Variants in TMEM132D observed in about 807,000 individuals in gnomAD.
TMEM132D encodes the protein transmembrane protein 132D, also known as mature OL transmembrane protein.
TMEM132D carries 21 observed loss-of-function variants against 62.3 expected under a neutral mutation model. The observed-to-expected ratio is 0.34, with a 90% CI of 0.24 to 0.49. The LOEUF is 0.49. TMEM132D is among the 20% of genes least tolerant of loss of function. TMEM132D has a pLI of 0.99. For missense variants in TMEM132D, 1,346 were observed against 1,402.8 expected, an observed-to-expected ratio of 0.96 and a Z score of 0.65; for synonymous variants, 621 against 575.6, an observed-to-expected ratio of 1.08 and a Z score of -1.13.
chr12:129,660,735 C>T (rs146800270), intron 2 of TMEM132D, among the ~76,000 whole-genome samples: 1 of 152,100 alleles, frequency 6.6e-6, no homozygotes, highest in African/African-American at 2.4e-5. Flanking sequence ...AATGACAATA[C>T]TCCTGTCTTG....
chr12:129,414,953 G>A (rs1872072518), intron 3 of TMEM132D, among the ~76,000 whole-genome samples: 1 of 152,086 alleles, frequency 6.6e-6, no homozygotes, highest in African/African-American at 2.4e-5. Context: ...ATTTCCCTTA[G>A]CACAATGTGC....
At chr12:129,658,070 C>A (rs1385584426) in intron 2 of TMEM132D, among the ~76,000 whole-genome samples, 1 of 152,096 alleles carries the variant, frequency 6.6e-6, no homozygotes, top group Non-Finnish European at 1.5e-5. Context: ...CAGCTAGTAA[C>A]AAGTGCTTGA....
intron 2 of TMEM132D, among the ~76,000 whole-genome samples, chr12:129,593,291 C>T (rs528955368): frequency 3.9e-5 from 6 of 152,140 alleles, no homozygotes; most frequent in Non-Finnish European, 8.8e-5. Context: ...TAACTTTCTT[C>T]AATGGCATCC....
chr12:129,600,127 G>A (rs1160965866), intron 2 of TMEM132D, among the ~76,000 whole-genome samples: 3 of 152,216 alleles, frequency 2.0e-5, no homozygotes, highest in Non-Finnish European at 4.4e-5. Context: ...CCCTGCTGTT[G>A]CTTTATCAAA....
At chr12:129,206,298 A>T (rs1878845783) in intron 5 of TMEM132D, among the ~76,000 whole-genome samples, 1 of 152,232 alleles carries the variant, frequency 6.6e-6, no homozygotes, top group South Asian at 2.1e-4. Context: ...AAAGGACATG[A>T]ACAGACATTT....
intron 2 of TMEM132D, among the ~76,000 whole-genome samples, chr12:129,613,798 A>AGGACTGTCTGCAGAACCCAGG (rs1445506226): frequency 9.7e-5 from 13 of 133,958 alleles, no homozygotes; most frequent in South Asian, 3.1e-4. Flanking sequence ...CAGAACCCAG[A>AGGACTGTCTGCAGAACCCAGG]GGACTGTCTG....
At chr12:129,451,169 C>T (rs1230628254) in intron 3 of TMEM132D, among the ~76,000 whole-genome samples, 1 of 152,114 alleles carries the variant, frequency 6.6e-6, no homozygotes, top group African/African-American at 2.4e-5. Context: ...CAGAAATGCT[C>T]AATTCATGGG....
In TMEM132D at chr12:129,636,737, T is replaced by TGTGTGTGTGA. The variant is rs375868329; in HGVS notation, c.968+63072_968+63073insTCACACACAC. On this transcript the variant is annotated intron_variant, in intron 2 of 8. Coordinates refer to ENST00000422113, the MANE Select transcript of TMEM132D (RefSeq NM_133448.3). ...GTGTGTGTGTGTGTGTGTGTGTGTGTGAGAGAGAGAGAGAGAGAGACAGAG... is the reference window on the plus strand; with the variant it reads ...GTGTGTGTGTGTGTGTGTGTGTGTGTGTGTGTGTGAGAGAGAGAGAGAGAGAGAGACAGAG... Among the ~76,000 whole-genome samples, 588 of 113,592 alleles carry TGTGTGTGTGA rather than the reference T, an allele frequency of 5.2e-3. 5 individuals carry two copies. Among genetic ancestry groups the TGTGTGTGTGA allele is most frequent in the South Asian group, 0.037 (95 of 2,602 alleles). 74.5% of individuals were successfully genotyped at this position (113,592 alleles called of 152,430 possible). A position where few individuals can be genotyped will look rare whatever the true frequency, so the allele number is the denominator to read the frequency against.
At position 129,714,504 on chromosome 12, in the gene TMEM132D, G is replaced by A. The variant is rs1226305254; in HGVS notation, c.80-13806C>T. Among the ~76,000 whole-genome samples, 3 of 152,108 alleles carry A rather than the reference G, an allele frequency of 2.0e-5. No individual in the cohort carries two copies. In the East Asian group the frequency reaches 5.8e-4, roughly 29 times the overall value. On this transcript the variant is annotated intron_variant, in intron 1 of 8. Coordinates refer to ENST00000422113, the MANE Select transcript of TMEM132D (RefSeq NM_133448.3). ...GGGAGGTGTTGGTCAAACAGTACAA[G>A]CTTCCAGCCATGCAGGAGGAAACAG... is the stretch of plus-strand genomic sequence containing the variant.
chr12:129,394,388 G>A (rs946084022), intron 3 of TMEM132D, among the ~76,000 whole-genome samples: 3 of 152,174 alleles, frequency 2.0e-5, no homozygotes, highest in African/African-American at 7.2e-5. Flanking sequence ...CCAAGTCCTT[G>A]ACCCAGTTGG....
chr12:129,124,045 T>C (rs1310883131), intron 5 of TMEM132D, among the ~76,000 whole-genome samples: 1 of 152,172 alleles, frequency 6.6e-6, no homozygotes, highest in Non-Finnish European at 1.5e-5. Flanking sequence ...CATCTGTCTA[T>C]CTATGTGCAG....
At chr12:129,345,013 C>T (rs373199222) in intron 3 of TMEM132D, among the ~76,000 whole-genome samples, 34 of 152,192 alleles carry the variant, frequency 2.2e-4, no homozygotes, top group African/African-American at 7.9e-4. Context: ...CTTCCCTTTG[C>T]TTTTTGTTTC....
At chr12:129,441,862 T>TACCTTAAGCAAAGTGGCGCAGA (rs1872945574) in intron 3 of TMEM132D, among the ~76,000 whole-genome samples, 1 of 152,212 alleles carries the variant, frequency 6.6e-6, no homozygotes, top group Non-Finnish European at 1.5e-5. Flanking sequence ...GGGAGGCTGT[T>TACCTTAAGCAAAGTGGCGCAGA]ACCTTAAGCA....
At chr12:129,311,090 C>G (rs1023663433) in intron 4 of TMEM132D, among the ~76,000 whole-genome samples, 2 of 130,330 alleles carry the variant, frequency 1.5e-5, no homozygotes, top group African/African-American at 3.2e-5. Flanking sequence ...CCCAGCTACT[C>G]GGGAGGCTGA....
intron 4 of TMEM132D, among the ~76,000 whole-genome samples, chr12:129,236,161 A>AAT (rs1879777799): frequency 3.4e-5 from 5 of 144,984 alleles, no homozygotes; most frequent in African/African-American, 1.3e-4. Context: ...TGTATGAGAG[A>AAT]GAGAGAGAGA....
In TMEM132D at chr12:129,196,152, T is replaced by C. The variant is rs1878545938; in HGVS notation, c.1443+13368A>G. 3.3e-5 allele frequency among the ~76,000 whole-genome samples: 5 copies of C among 152,220 alleles called. No individual in the cohort carries two copies. In the South Asian group the frequency reaches 1.0e-3, roughly 32 times the overall value. On this transcript the variant is annotated intron_variant, in intron 5 of 8. Coordinates refer to ENST00000422113, the MANE Select transcript of TMEM132D (RefSeq NM_133448.3). Reference sequence around the variant, plus strand: ...AAAAAAAGAAAAAAAAAAGAGTTTATGGATCTTGCCCTGGTTGTTGTTGTT... The same window carrying C: ...AAAAAAAGAAAAAAAAAAGAGTTTACGGATCTTGCCCTGGTTGTTGTTGTT...
intron 1 of TMEM132D, among the ~76,000 whole-genome samples, chr12:129,763,652 C>T (rs147298991): frequency 6.6e-6 from 1 of 152,154 alleles, no homozygotes; most frequent in Non-Finnish European, 1.5e-5. Context: ...GGTTTTGAGA[C>T]GTTTGACTGC....
intron 8 of TMEM132D, among the ~76,000 whole-genome samples, chr12:129,077,556 T>C (rs142002295): frequency 6.6e-5 from 10 of 151,926 alleles, no homozygotes; most frequent in African/African-American, 2.2e-4. Flanking sequence ...ATCACACACA[T>C]ACACACAACA....
At chr12:129,100,986 C>T (rs1219769744) in intron 5 of TMEM132D, among the ~76,000 whole-genome samples, 3 of 151,738 alleles carry the variant, frequency 2.0e-5, no homozygotes, top group Admixed American at 6.6e-5. Context: ...CAGTGCCAGT[C>T]AAGGCAGGGA....
Sources: gnomAD v4.1 joint callset for allele counts (sites outside exome capture counted in the v4.1 genomes callset) on GRCh38, gnomAD v4.1.1 for gene constraint, MANE v1.5 for transcripts, NCBI Gene and HGNC (gene_info 2026-07-23, HGNC 2026-07-21) for gene names.